Variants in SMYD2 observed in about 807,000 individuals in gnomAD.
SMYD2 encodes SET and MYND domain containing 2.
SMYD2 carries 53 observed loss-of-function variants against 59.1 expected under a neutral mutation model. The observed-to-expected ratio is 0.90, with a 90% CI of 0.72 to 1.13. The LOEUF is 1.13. Among genes scored for constraint, SMYD2 ranks in the 50% most tolerant of loss-of-function variants. SMYD2 has a pLI of 0.00. For missense variants in SMYD2, 494 were observed against 544.7 expected (o/e 0.91, Z 0.93); for synonymous variants, 208 against 198.8 (o/e 1.05, Z -0.39).
At position 214,318,877 on chromosome 1, in the gene SMYD2, A is replaced by G. The variant is rs376041594; in HGVS notation, c.428A>G (p.Asn143Ser). The part of the protein sequence containing the change: ...EFESHLDKLD[N>S]EKKDLIQSDI... The stretch of plus-strand genomic sequence containing the variant: ...TCCACAGATCTGGATAAGTTAGACA[A>G]TGAGAAGAAGGATTTGATTCAGAGT... Residue 143 changes from asparagine to serine, a missense_variant, in exon 5 of 12, where the codon AAT becomes AGT. Coordinates refer to ENST00000366957, the MANE Select transcript of SMYD2 (RefSeq NM_020197.3). This position sits in a 1 kb window ranked among gnomAD's most constrained non-coding sequence, Gnocchi z 5.4. 6.2e-6 allele frequency: 10 copies of G among 1,613,942 alleles called. No individual in the cohort carries two copies. Among genetic ancestry groups the G allele is most frequent in the African/African-American group, 2.7e-5 (2 of 74,918 alleles).
In SMYD2 at chr1:214,284,001, G is replaced by A. The variant is rs78138335; in HGVS notation, c.173+2574G>A. ...AGTCTCAACAGAATGGGATTCTTAC[G>A]GTCAGGGCAATTCAGACAAAGGTTT... On this transcript the variant is annotated intron_variant, in intron 1 of 11. Coordinates refer to ENST00000366957, the MANE Select transcript of SMYD2 (RefSeq NM_020197.3). Among the ~76,000 whole-genome samples, 387 of 152,154 alleles carry A rather than the reference G, an allele frequency of 2.5e-3. 1 individual carries two copies. Among genetic ancestry groups the A allele is most frequent in the African/African-American group, 8.6e-3 (358 of 41,486 alleles).
At chr1:214,334,464 G>A (rs915196305) in intron 11 of SMYD2, among the ~76,000 whole-genome samples, 156 bp downstream of exon 11, 11 of 152,208 alleles carry the variant, frequency 7.2e-5, no homozygotes, top group African/African-American at 1.9e-4. Context: ...GGGTCCTGCA[G>A]GTGAGGGGGG....
chr1:214,321,174 G>C (rs957649936), intron 5 of SMYD2, among the ~76,000 whole-genome samples: 4 of 151,974 alleles, frequency 2.6e-5, no homozygotes, highest in African/African-American at 9.7e-5. Context: ...GTATATTTGT[G>C]GTGAAAGTGA....
chr1:214,318,485 CAG>C lies in SMYD2; in HGVS notation c.409+347_409+348del, dbSNP rs1312650561. On this transcript the variant is annotated intron_variant, in intron 4 of 11. Transcript: ENST00000366957. The surrounding 1 kb of genome is among the most constrained non-coding windows in gnomAD (Gnocchi z 5.4). ...ATGTTCTTACTGAAAGCCGTGAAAT[CAG>C]GGGTTGTCCAGTTGTTTGACCACGG... is the stretch of plus-strand genomic sequence containing the variant. Among the ~76,000 whole-genome samples, 2 of 152,112 alleles carry C rather than the reference CAG, an allele frequency of 1.3e-5. No homozygotes were observed. Among genetic ancestry groups the C allele is most frequent in the African/African-American group, 2.4e-5 (1 of 41,392 alleles).
intron 1 of SMYD2, among the ~76,000 whole-genome samples, chr1:214,299,834 C>T (rs1456640158): frequency 3.9e-5 from 6 of 152,136 alleles, no homozygotes; most frequent in African/African-American, 1.4e-4. Flanking sequence ...TCTTGATCTC[C>T]TGACCTCGTG....
At chr1:214,293,826 G>A (rs780030948) in intron 1 of SMYD2, among the ~76,000 whole-genome samples, 3 of 151,944 alleles carry the variant, frequency 2.0e-5, no homozygotes, top group African/African-American at 4.8e-5. Flanking sequence ...ACAGGCACCC[G>A]CCACCACGCC....
At chr1:214,335,974 T>C (rs1208932963) in intron 11 of SMYD2, among the ~76,000 whole-genome samples, 1 of 152,204 alleles carries the variant, frequency 6.6e-6, no homozygotes, top group Non-Finnish European at 1.5e-5. Context: ...TCTTGCAGGT[T>C]AGTAATGTCA....
intron 9 of SMYD2, 43 bp downstream of exon 9, chr1:214,331,113 A>G (rs1192871253): frequency 6.2e-7 from 1 of 1,605,228 alleles, no homozygotes; most frequent in African/African-American, 1.3e-5. Flanking sequence ...TCCCTCGCCA[A>G]CAAGGCAAGG....
intron 6 of SMYD2, among the ~76,000 whole-genome samples, chr1:214,327,119 G>A (rs1288051727): frequency 6.6e-6 from 1 of 152,242 alleles, no homozygotes; most frequent in Non-Finnish European, 1.5e-5. Context: ...GAGGTGCAGA[G>A]AAACTCAGAC....
Position 214,332,021 on chromosome 1 carries a change from C to T in SMYD2, c.941C>T (p.Pro314Leu). 1 of 1,612,504 alleles carries T rather than the reference C, an allele frequency of 6.2e-7. No homozygotes were observed. The highest frequency in any genetic ancestry group is 1.1e-5 in the South Asian group (1 of 90,876). ...CCTTTCCTTGACTCCACAGCACCCCCTAGTGAGCTGCTGGAGATCTGCGAG... is the reference window on the plus strand; with the variant it reads ...CCTTTCCTTGACTCCACAGCACCCCTTAGTGAGCTGCTGGAGATCTGCGAG... The part of the protein sequence containing the change: ...EFRRAKHYKS[P>L]SELLEICELS... Residue 314 changes from proline to leucine, a missense_variant, in exon 10 of 12, where the codon CCT becomes CTT. Transcript: ENST00000366957.
chr1:214,298,328 T>C (rs1553254393), intron 1 of SMYD2, among the ~76,000 whole-genome samples: 2 of 152,212 alleles, frequency 1.3e-5, no homozygotes, highest in Non-Finnish European at 2.9e-5. Flanking sequence ...CAATAAATGG[T>C]GCTGGGATGA....
rs201567034 is a variant in SMYD2 at position 214,281,396 on chromosome 1, C to G, written c.142C>G (p.Arg48Gly). The change falls in exon 1 of 12, where the codon CGG (arginine) becomes GGG (glycine). Residue 48 changes from arginine (R) to glycine (G), a missense_variant. Physicochemically the swap from Arg to Gly is moderately radical, Grantham distance 125. Coordinates refer to ENST00000366957, the MANE Select transcript of SMYD2 (RefSeq NM_020197.3). ...TGCCTACGTGCTCACGGTCAACGAG[C>G]GGGGCAACCACTGCGAGTACTGCTT... is the stretch of plus-strand genomic sequence containing the variant. ...AYAYVLTVNE[R>G]GNHCEYCFTR... The G allele has an allele frequency of 6.8e-7, 1 of 1,463,012 alleles. No homozygotes were observed. The highest frequency in any genetic ancestry group is 9.1e-7 in the Non-Finnish European group (1 of 1,102,274). 90.6% of individuals were successfully genotyped at this position (1,463,012 alleles called of 1,614,324 possible).
At chr1:214,317,835 G>C (rs1441367453) in intron 3 of SMYD2, among the ~76,000 whole-genome samples, 13 of 152,142 alleles carry the variant, frequency 8.5e-5, no homozygotes. Context: ...AGGTATTTCT[G>C]AGCCTACTGT....
rs534383591 is a variant in SMYD2 at position 214,305,574 on chromosome 1, C to CT, written c.237+327dup. 5.9e-5 allele frequency among the ~76,000 whole-genome samples: 9 copies of CT among 152,336 alleles called. No homozygotes were observed. In the South Asian group the frequency reaches 1.9e-3, roughly 32 times the overall value. ...CAAATAAACAATATTAAAATGCTATCTTTAAGTTTTTAACGTTTTTATTGT... is the reference window on the plus strand; with the variant it reads ...CAAATAAACAATATTAAAATGCTATCTTTTAAGTTTTTAACGTTTTTATTGT... On this transcript the variant is annotated intron_variant, in intron 2 of 11. Transcript: ENST00000366957.
At position 214,318,112 on chromosome 1, in the gene SMYD2, T is replaced by C. The variant is rs760881752; in HGVS notation, c.382T>C (p.Leu128=). The C allele has an allele frequency of 1.2e-6, 2 of 1,613,832 alleles. No homozygotes were observed. Among genetic ancestry groups the C allele is most frequent in the Admixed American group, 1.7e-5 (1 of 59,944 alleles). The change falls in exon 4 of 12, where the codon TTG becomes CTG. Residue 128 remains leucine (L), a synonymous_variant. Coordinates refer to ENST00000366957, the MANE Select transcript of SMYD2 (RefSeq NM_020197.3). The surrounding 1 kb of genome is among the most constrained non-coding windows in gnomAD (Gnocchi z 5.4). ...CCCAGAGAGAACACCTTCGGAAAAA[T>C]TGTTAGCTGTGAAGGAGTTTGAATC... The part of the protein sequence containing the change: ...IHPERTPSEK[L]LAVKEFESHL...
chr1:214,336,570 T>G lies in SMYD2; in HGVS notation c.1222-134T>G. On this transcript the variant is annotated intron_variant, in intron 11 of 11. Transcript: ENST00000366957. Reference sequence around the variant, plus strand: ...AAATTAAAATAAAAACAGGTCCTGGTGGAGAACATAGGCTCTAATGGCCAG... The same window carrying G: ...AAATTAAAATAAAAACAGGTCCTGGGGGAGAACATAGGCTCTAATGGCCAG... The G allele has an allele frequency of 4.8e-6, 3 of 622,386 alleles. No homozygotes were observed. In the Middle Eastern group the frequency reaches 8.0e-4, roughly 167 times the overall value. The allele number at this position is 622,386 out of a possible 1,614,324, so 38.6% of individuals were successfully genotyped here.
chr1:214,325,770 A>C lies in SMYD2; in HGVS notation c.602+1062A>C, dbSNP rs567716127. Reference sequence around the variant, plus strand: ...GTTGGAATTCTGGAAGTGAGGAAAGAAGCTTTTTTTTTTTTTTTTTTTTTT... The same window carrying C: ...GTTGGAATTCTGGAAGTGAGGAAAGCAGCTTTTTTTTTTTTTTTTTTTTTT... On this transcript the variant is annotated intron_variant, in intron 6 of 11. Transcript: ENST00000366957. 3.2e-3 allele frequency among the ~76,000 whole-genome samples: 403 copies of C among 127,592 alleles called. 4 individuals are homozygous for C. Among genetic ancestry groups the C allele is most frequent in the African/African-American group, 0.011 (375 of 34,772 alleles). 83.7% of individuals were successfully genotyped at this position (127,592 alleles called of 152,430 possible).
At chr1:214,300,628 TAG>T (rs1183545527) in intron 1 of SMYD2, among the ~76,000 whole-genome samples, 1 of 152,236 alleles carries the variant, frequency 6.6e-6, no homozygotes, top group East Asian at 1.9e-4. Flanking sequence ...TCCACTCACG[TAG>T]AGAGACTATT....
intron 6 of SMYD2, 75 bp downstream of exon 6, chr1:214,324,783 T>C: frequency 7.7e-7 from 1 of 1,299,526 alleles, no homozygotes; most frequent in East Asian, 2.3e-5. Flanking sequence ...CATTTTTAAA[T>C]AACCCACCTA....
Sources: gnomAD v4.1 joint callset for allele counts (sites outside exome capture counted in the v4.1 genomes callset) on GRCh38, gnomAD v4.1.1 for gene constraint, Gnocchi (gnomAD v3.1) non-coding constraint, MANE v1.5 for transcripts, NCBI Gene and HGNC (gene_info 2026-07-23, HGNC 2026-07-21) for gene names.